The following AAK1 variants were observed in gnomAD, a reference collection of about 807,000 sequenced individuals.
The protein encoded by AAK1 is AP2 associated kinase 1, also known as AP2-associated protein kinase 1.
AAK1 carries 37 observed loss-of-function variants against 116.0 expected under a neutral mutation model. That is an observed-to-expected ratio of 0.32 (90% confidence interval 0.25 to 0.42). The LOEUF (loss-of-function observed/expected upper bound fraction) is 0.42. AAK1 is among the 10% of genes least tolerant of loss of function. AAK1 has a pLI of 1.00. For synonymous variants in AAK1, 458 were observed against 439.9 expected (o/e 1.04, Z -0.51); for missense variants, 919 against 1,170.6 (o/e 0.79, Z 3.14).
At chr2:69,640,761 G>A (rs1452964833) in intron 2 of AAK1, among the ~76,000 whole-genome samples, 1 of 152,172 alleles carries the variant, frequency 6.6e-6, no homozygotes, top group Non-Finnish European at 1.5e-5. Flanking sequence ...TTTGCCCATG[G>A]TGCCACCACA....
In AAK1 at chr2:69,472,308, T is replaced by C. The variant is rs73934960; in HGVS notation, c.*3561A>G. The C allele has an allele frequency of 5.4e-3, 1,920 of 358,688 alleles. 37 individuals carry two copies. Among genetic ancestry groups the C allele is most frequent in the African/African-American group, 0.04 (1,806 of 45,304 alleles). 22.2% of individuals were successfully genotyped at this position (358,688 alleles called of 1,614,324 possible). On this transcript the variant is annotated 3_prime_UTR_variant, in exon 22 of 22. Coordinates refer to ENST00000409085, the MANE Select transcript of AAK1 (RefSeq NM_014911.5). ...TCAGAACCAAGAGTAGTAGAAAAAG[T>C]AGACAAAGAAAGAATATACTTCCAG...
intron 17 of AAK1, among the ~76,000 whole-genome samples, chr2:69,493,343 T>C (rs575413795): frequency 7.9e-5 from 12 of 151,874 alleles, no homozygotes; most frequent in Non-Finnish European, 1.6e-4. Context: ...GCCTAGCTAC[T>C]ATTCTCATCA....
At chr2:69,616,939 TG>T (rs1293383819) in intron 2 of AAK1, among the ~76,000 whole-genome samples, 1 of 152,192 alleles carries the variant, frequency 6.6e-6, no homozygotes, top group East Asian at 1.9e-4. Flanking sequence ...ACGAGGGACC[TG>T]GACATGCTGC....
intron 6 of AAK1, 108 bp downstream of exon 6, chr2:69,531,933 A>G: frequency 6.7e-7 from 1 of 1,497,282 alleles, no homozygotes; most frequent in East Asian, 2.3e-5. Flanking sequence ...ATGAAGGACA[A>G]CTGACTATCA....
chr2:69,533,134 T>A (rs1168361560), intron 5 of AAK1, among the ~76,000 whole-genome samples: 1 of 152,208 alleles, frequency 6.6e-6, no homozygotes. Flanking sequence ...TTCCAAAGAC[T>A]GATCACCTTT....
intron 3 of AAK1, among the ~76,000 whole-genome samples, chr2:69,550,213 A>G (rs1671117398): frequency 6.6e-6 from 1 of 152,222 alleles, no homozygotes; most frequent in Admixed American, 6.5e-5. Flanking sequence ...CCAAAGGAGA[A>G]CAGGATGTTG....
Position 69,608,315 on chromosome 2 carries a change from T to A in AAK1, c.163+34563A>T, listed in dbSNP as rs183829696. Among the ~76,000 whole-genome samples the A allele has an allele frequency of 1.7e-4, 26 of 152,336 alleles. No homozygotes were observed. In the East Asian group the frequency reaches 5.0e-3, roughly 29 times the overall value. ...AACAGCTTGGCAGAGGGAGTGGCAC[T>A]GAAGGGCTGGGTCTGGCACGGGCAG... On this transcript the variant is annotated intron_variant, in intron 2 of 21. Coordinates refer to ENST00000409085, the MANE Select transcript of AAK1 (RefSeq NM_014911.5).
In AAK1 at chr2:69,465,648, C is replaced by T. The variant is rs375748068; in HGVS notation, c.*10221G>A. On this transcript the variant is annotated 3_prime_UTR_variant, in exon 22 of 22. Transcript: ENST00000409085. ...GGAATACTTGGATAAGGACTGGGGG[C>T]GGAATGGTTTGCCAGCCATGGGGCC... 4.1e-5 allele frequency: 53 copies of T among 1,290,830 alleles called. No homozygotes were observed. Among genetic ancestry groups the T allele is most frequent in the African/African-American group, 3.3e-4 (22 of 65,932 alleles). The allele number at this position is 1,290,830 out of a possible 1,614,324, so 80.0% of individuals were successfully genotyped here. A position where few individuals can be genotyped will look rare whatever the true frequency, so the allele number is the denominator to read the frequency against.
At chr2:69,488,941 C>T (rs1389249718) in intron 17 of AAK1, among the ~76,000 whole-genome samples, 1 of 151,988 alleles carries the variant, frequency 6.6e-6, no homozygotes, top group Non-Finnish European at 1.5e-5. Flanking sequence ...CTTGTAATCC[C>T]AGCACTCCTA....
intron 17 of AAK1, among the ~76,000 whole-genome samples, chr2:69,488,498 G>A (rs1011104055): frequency 6.6e-6 from 1 of 152,100 alleles, no homozygotes; most frequent in African/African-American, 2.4e-5. Context: ...TTTCTCACCT[G>A]TAAACAGATT....
rs1157221349 is a variant in AAK1 at position 69,643,149 on chromosome 2, C to G, written c.-109G>C. 2 of 1,425,398 alleles carry G rather than the reference C, an allele frequency of 1.4e-6. No individual in the cohort carries two copies. The highest frequency in any genetic ancestry group is 1.8e-6 in the Non-Finnish European group (2 of 1,101,910). The allele number at this position is 1,425,398 out of a possible 1,614,324, so 88.3% of individuals were successfully genotyped here. A position where few individuals can be genotyped will look rare whatever the true frequency, so the allele number is the denominator to read the frequency against. ...AAGGATTTCTTCTCAGATTTCACCT[C>G]GGAGAGGAGCCACCCGAATCCGGCC... On this transcript the variant is annotated 5_prime_UTR_variant, in exon 2 of 22. Transcript: ENST00000409085.
At chr2:69,622,545 G>C (rs115728677) in intron 2 of AAK1, among the ~76,000 whole-genome samples, 4,657 of 152,334 alleles carry the variant, frequency 0.031, 239 homozygotes, top group African/African-American at 0.11. Flanking sequence ...GTCTAGCTGA[G>C]GGACTGTAAG....
intron 2 of AAK1, among the ~76,000 whole-genome samples, chr2:69,631,274 G>A (rs1406528438): frequency 1.3e-5 from 2 of 152,192 alleles, no homozygotes; most frequent in Non-Finnish European, 2.9e-5. Flanking sequence ...CAGTACAATA[G>A]CTGTAAGTGT....
chr2:69,596,996 C>T (rs1342814920), intron 2 of AAK1, among the ~76,000 whole-genome samples: 2 of 150,558 alleles, frequency 1.3e-5, no homozygotes, highest in African/African-American at 2.4e-5. Flanking sequence ...AAAGCTACTA[C>T]GAAGGGAAGT....
chr2:69,563,449 T>A (rs1226495524), intron 2 of AAK1, among the ~76,000 whole-genome samples: 1 of 152,100 alleles, frequency 6.6e-6, no homozygotes, highest in African/African-American at 2.4e-5. Context: ...GCCAAAGAGG[T>A]TTGCTGGATA....
Position 69,509,329 on chromosome 2 carries a change from G to C in AAK1, c.1908C>G (p.Leu636=), listed in dbSNP as rs1007003503. ...AGACTGCACTGTGGGTTACGTCACT[G>C]AGAATACGCCTGTGCCCAGCACGTT... is the stretch of plus-strand genomic sequence containing the variant. ...KTQRAGHRRI[L]SDVTHSAVFG... is the part of the protein sequence containing the mutation. Residue 636 remains leucine, a synonymous_variant, in exon 14 of 22, where the codon CTC becomes CTG. Transcript: ENST00000409085. 5 of 1,613,990 alleles carry C rather than the reference G, an allele frequency of 3.1e-6. No individual in the cohort carries two copies. The highest frequency in any genetic ancestry group is 4.2e-6 in the Non-Finnish European group (5 of 1,179,890).
chr2:69,542,614 T>G lies in AAK1; in HGVS notation c.443A>C (p.Glu148Ala), dbSNP rs1165578424. The G allele has an allele frequency of 1.2e-6, 2 of 1,614,016 alleles. No homozygotes were observed. The highest frequency in any genetic ancestry group is 2.7e-5 in the African/African-American group (2 of 75,048). The part of the protein sequence containing the change: ...MNQRLQTGFT[E>A]NEVLQIFCDT... ...ACAAAATATCTGGAGCACTTCATTC[T>G]CTGTAAAGCCTGTTTGCAGGCGCTG... Residue 148 changes from glutamate to alanine, a missense_variant, in exon 5 of 22, where the codon GAG (glutamate) becomes GCG (alanine). By Grantham distance (107) the Glu-to-Ala change is moderately radical. This residue lies in a region of AAK1 where 317 missense variants were observed against 490.4 expected (regional missense o/e 0.65). Coordinates refer to ENST00000409085, the MANE Select transcript of AAK1 (RefSeq NM_014911.5).
intron 2 of AAK1, among the ~76,000 whole-genome samples, chr2:69,585,555 T>G (rs543899757): frequency 6.6e-5 from 10 of 152,270 alleles, no homozygotes; most frequent in African/African-American, 2.4e-4. Context: ...ATTCTCAGAC[T>G]CCAATACCTA....
intron 2 of AAK1, among the ~76,000 whole-genome samples, chr2:69,626,378 C>CGAA (rs1559014391): frequency 6.6e-6 from 1 of 151,884 alleles, no homozygotes; most frequent in Non-Finnish European, 1.5e-5. Context: ...AAACTGCTAA[C>CGAA]GAAGCTCACA....
Sources: allele counts gnomAD v4.1 joint callset (sites outside exome capture counted in the v4.1 genomes callset), GRCh38; gene constraint gnomAD v4.1.1; regional missense constraint gnomAD v4.1.1; transcripts MANE v1.5; gene names NCBI Gene and HGNC (gene_info 2026-07-23, HGNC 2026-07-21).